The following THSD4 variants were observed in gnomAD, a reference collection of about 807,000 sequenced individuals.
THSD4 encodes the protein thrombospondin type 1 domain containing 4.
A neutral mutation model predicts 119.0 loss-of-function variants in THSD4; 69 were observed. The ratio of observed to expected loss-of-function variants is 0.58; its 90% CI spans 0.48 to 0.71. THSD4 has a LOEUF of 0.71. Among genes scored for constraint, THSD4 ranks in the 30% least tolerant of loss-of-function variants. THSD4 has a pLI of 0.00. For synonymous variants in THSD4, 524 were observed against 540.4 expected (o/e 0.97, Z 0.42); for missense variants, 1,393 against 1,391.1 (o/e 1.00, Z -0.02).
chr15:71,353,798 G>A (rs987445087), intron 6 of THSD4, among the ~76,000 whole-genome samples: 3 of 152,204 alleles, frequency 2.0e-5, no homozygotes, highest in Non-Finnish European at 4.4e-5. Context: ...AATCAGACTT[G>A]GTGTTCAAAT....
chr15:71,626,896 G>C (rs1190071395), intron 7 of THSD4, among the ~76,000 whole-genome samples: 1 of 152,172 alleles, frequency 6.6e-6, no homozygotes, highest in African/African-American at 2.4e-5. Context: ...TCTGTACTCA[G>C]AAACAACTTG....
At chr15:71,315,592 G>A (rs1482218335) in intron 6 of THSD4, among the ~76,000 whole-genome samples, 1 of 152,202 alleles carries the variant, frequency 6.6e-6, no homozygotes, top group African/African-American at 2.4e-5. Flanking sequence ...CCGCCTCCTT[G>A]AAACCAACAA....
intron 7 of THSD4, among the ~76,000 whole-genome samples, chr15:71,609,679 C>T (rs1384747466): frequency 6.6e-6 from 1 of 151,890 alleles, no homozygotes; most frequent in Non-Finnish European, 1.5e-5. Flanking sequence ...GGTGAAACCC[C>T]GTCTCTACTA....
At chr15:71,704,785 T>C (rs1293787037) in intron 8 of THSD4, among the ~76,000 whole-genome samples, 1 of 152,160 alleles carries the variant, frequency 6.6e-6, no homozygotes, top group Non-Finnish European at 1.5e-5. Flanking sequence ...GGGAGAAGCA[T>C]GATGGCAGTG....
intron 6 of THSD4, among the ~76,000 whole-genome samples, chr15:71,324,341 A>G (rs2045313494): frequency 6.6e-6 from 1 of 152,146 alleles, no homozygotes; most frequent in African/African-American, 2.4e-5. Context: ...TTGGAGTACA[A>G]GTAGTTTTTG....
intron 6 of THSD4, among the ~76,000 whole-genome samples, chr15:71,374,357 G>T (rs1448085880): frequency 1.3e-5 from 2 of 152,152 alleles, no homozygotes; most frequent in Admixed American, 6.5e-5. Flanking sequence ...TATCTTCTGG[G>T]GAGACAGAGC....
intron 7 of THSD4, among the ~76,000 whole-genome samples, chr15:71,488,046 A>G (rs1381130877): frequency 6.6e-6 from 1 of 152,148 alleles, no homozygotes; most frequent in African/African-American, 2.4e-5. Context: ...TTCTAGCACA[A>G]AAGTAAGAGT....
intron 7 of THSD4, among the ~76,000 whole-genome samples, chr15:71,619,178 G>T (rs937334891): frequency 6.7e-6 from 1 of 149,756 alleles, no homozygotes; most frequent in Non-Finnish European, 1.5e-5. Context: ...CACCATGTTG[G>T]CCAGGCTGGT....
intron 7 of THSD4, among the ~76,000 whole-genome samples, chr15:71,621,842 A>G (rs1017934663): frequency 1.3e-5 from 2 of 152,248 alleles, no homozygotes; most frequent in Non-Finnish European, 2.9e-5. Context: ...TTTTATTACA[A>G]TTGCTAATGA....
At chr15:71,333,141 C>T (rs188074938) in intron 6 of THSD4, among the ~76,000 whole-genome samples, 140 of 151,586 alleles carry the variant, frequency 9.2e-4, no homozygotes, top group African/African-American at 8.7e-4. Context: ...TTGCTGCCCA[C>T]GAGGTGGGGG....
intron 6 of THSD4, among the ~76,000 whole-genome samples, chr15:71,312,283 G>C (rs111715549): frequency 6.6e-6 from 1 of 152,044 alleles, no homozygotes; most frequent in Non-Finnish European, 1.5e-5. Context: ...AGCTGAGATC[G>C]TACCACTGCA....
intron 8 of THSD4, among the ~76,000 whole-genome samples, chr15:71,714,238 A>C (rs923064650): frequency 6.6e-6 from 1 of 152,156 alleles, no homozygotes; most frequent in Non-Finnish European, 1.5e-5. Context: ...TGTAAGCTTT[A>C]TGAGGGCAAA....
intron 7 of THSD4, among the ~76,000 whole-genome samples, chr15:71,548,816 G>A (rs945443386): frequency 6.6e-6 from 1 of 152,240 alleles, no homozygotes; most frequent in African/African-American, 2.4e-5. Context: ...GAGCATTTAA[G>A]CAGGCGAGAG....
At chr15:71,216,831 G>A (rs905466816) in intron 4 of THSD4, among the ~76,000 whole-genome samples, 41 of 152,130 alleles carry the variant, frequency 2.7e-4, no homozygotes, top group African/African-American at 7.0e-4. Context: ...AGAGTCTCAC[G>A]CTGTCACCCA....
At chr15:71,548,437 T>C (rs1567031180) in intron 7 of THSD4, among the ~76,000 whole-genome samples, 1 of 152,230 alleles carries the variant, frequency 6.6e-6, no homozygotes, top group Non-Finnish European at 1.5e-5. Context: ...CTAATGTAAT[T>C]ACTTTCCCTT....
intron 14 of THSD4, among the ~76,000 whole-genome samples, chr15:71,754,365 C>T (rs1181380733): frequency 6.6e-6 from 1 of 152,114 alleles, no homozygotes; most frequent in African/African-American, 2.4e-5. Context: ...GCTGGGATTA[C>T]AGGTGTGAGC....
At chr15:71,180,180 A>G (rs1326077156) in intron 3 of THSD4, among the ~76,000 whole-genome samples, 1 of 151,782 alleles carries the variant, frequency 6.6e-6, no homozygotes, top group African/African-American at 2.4e-5. Context: ...ATAAAAAAAA[A>G]AAAAGACACT....
intron 3 of THSD4, among the ~76,000 whole-genome samples, chr15:71,213,009 A>C (rs2043900241): frequency 6.6e-6 from 1 of 152,186 alleles, no homozygotes; most frequent in African/African-American, 2.4e-5. Context: ...AGCACACTCC[A>C]TTATTTTCCT....
chr15:71,292,333 C>T (rs1007432534), intron 6 of THSD4, among the ~76,000 whole-genome samples: 1 of 152,092 alleles, frequency 6.6e-6, no homozygotes, highest in Non-Finnish European at 1.5e-5. Flanking sequence ...TTGATGAACC[C>T]TTTCAAGGTA....
Sources: gnomAD v4.1 joint callset for allele counts (sites outside exome capture counted in the v4.1 genomes callset) on GRCh38, gnomAD v4.1.1 for gene constraint, MANE v1.5 for transcripts, NCBI Gene and HGNC (gene_info 2026-07-23, HGNC 2026-07-21) for gene names.